Variants in MYH13 observed in about 807,000 individuals in gnomAD.
MYH13 encodes the protein myosin-13.
MYH13 carries 177 observed loss-of-function variants against 232.1 expected under a neutral mutation model. The observed-to-expected ratio is 0.76, with a 90% CI of 0.67 to 0.86. The LOEUF (loss-of-function observed/expected upper bound fraction) is 0.86, where lower values mean the gene tolerates loss of function less well. Ranked by LOEUF, MYH13 falls within the 40% of genes least tolerant of loss-of-function variation. The pLI, the probability that MYH13 is intolerant of heterozygous loss-of-function variation, is 0.00. For synonymous variants in MYH13, 884 were observed against 923.5 expected, an observed-to-expected ratio of 0.96 and a Z score of 0.78; for missense variants, 2,246 against 2,405.9, an observed-to-expected ratio of 0.93 and a Z score of 1.39.
intron 18 of MYH13, among the ~76,000 whole-genome samples, chr17:10,333,967 G>A (rs765745997): frequency 5.3e-5 from 8 of 152,184 alleles, no homozygotes; most frequent in East Asian, 1.9e-4. Flanking sequence ...AAGGTAGGGC[G>A]GCGGTCATCT....
rs754660603 is a variant in MYH13, at chr17:10,301,555, G to A, written c.5802+14C>T. 12 of 1,613,986 alleles carry A rather than the reference G, an allele frequency of 7.4e-6. 1 individual carries two copies. In the South Asian group the frequency reaches 1.3e-4, roughly 18 times the overall value. On this transcript the variant is annotated intron_variant, in intron 40 of 40. Coordinates refer to ENST00000252172, the MANE Select transcript of MYH13 (RefSeq NM_003802.3). Reference sequence around the variant, plus strand: ...TTCTTAGCTGGCCCCTATATCTCAGGTACCTGCTCTTACCTGGCTGCCCAC... The same window carrying A: ...TTCTTAGCTGGCCCCTATATCTCAGATACCTGCTCTTACCTGGCTGCCCAC...
intron 29 of MYH13, among the ~76,000 whole-genome samples, chr17:10,313,890 A>G (rs1449186343): frequency 6.6e-6 from 1 of 152,218 alleles, no homozygotes; most frequent in African/African-American, 2.4e-5. Context: ...CCACTGGGCT[A>G]TGTCCCCACA....
At position 10,344,065 on chromosome 17, in the gene MYH13, G is replaced by A; in HGVS notation, c.1629C>T (p.Pro543=). ...TCTTGAAGGAGGTGTCTGTTGCCTTGGGGAACATGCACTCCTCTTCCAGGA... is the reference window on the plus strand; with the variant it reads ...TCTTGAAGGAGGTGTCTGTTGCCTTAGGGAACATGCACTCCTCTTCCAGGA... The part of the protein sequence containing the change: ...FSILEEECMF[P]KATDTSFKNK... Residue 543 remains proline, a synonymous_variant, in exon 16 of 41, where the codon CCC becomes CCT. Coordinates refer to ENST00000252172, the MANE Select transcript of MYH13 (RefSeq NM_003802.3). The A allele has an allele frequency of 1.2e-6, 2 of 1,614,114 alleles. No individual in the cohort carries two copies. Among genetic ancestry groups the A allele is most frequent in the Non-Finnish European group, 1.7e-6 (2 of 1,180,000 alleles).
intron 16 of MYH13, 66 bp downstream of exon 16, chr17:10,343,734 G>C (rs763202845): frequency 7.2e-5 from 105 of 1,462,834 alleles, no homozygotes; most frequent in Non-Finnish European, 9.4e-5. Context: ...TTCTTCACAA[G>C]CAGCTCTGGG....
At chr17:10,366,385 T>G (rs867998047) in intron 2 of MYH13, among the ~76,000 whole-genome samples, 2 of 145,664 alleles carry the variant, frequency 1.4e-5, no homozygotes, top group Admixed American at 6.8e-5. Context: ...AAATCTGTTT[T>G]TTTTTTTTTT....
At position 10,354,670 on chromosome 17, in the gene MYH13, G is replaced by A; in HGVS notation, c.1005+10C>T. On this transcript the variant is annotated intron_variant, in intron 11 of 40. Coordinates refer to ENST00000252172, the MANE Select transcript of MYH13 (RefSeq NM_003802.3). Reference sequence around the variant, plus strand: ...CTGTGCATAAACAGACAAATAAATGGCATGCTTACATCTGTCGCCAGCAGT... The same window carrying A: ...CTGTGCATAAACAGACAAATAAATGACATGCTTACATCTGTCGCCAGCAGT... 6.2e-7 allele frequency: 1 copy of A among 1,604,500 alleles called. No homozygotes were observed. Among genetic ancestry groups the A allele is most frequent in the Non-Finnish European group, 8.5e-7 (1 of 1,172,018 alleles).
At chr17:10,316,538 G>A (rs547487633) in intron 27 of MYH13, among the ~76,000 whole-genome samples, 9 of 152,308 alleles carry the variant, frequency 5.9e-5, no homozygotes, top group East Asian at 1.9e-4. Context: ...AGGTAGATAA[G>A]TATTTAATGA....
At position 10,352,947 on chromosome 17, in the gene MYH13, A is replaced by C. The variant is rs568738728; in HGVS notation, c.1005+1733T>G. On this transcript the variant is annotated intron_variant, in intron 11 of 40. Coordinates refer to ENST00000252172, the MANE Select transcript of MYH13 (RefSeq NM_003802.3). ...TAGCTGAGTCTCAGCCAGTCACAGC[A>C]GCTGAGCTTCAGCCAATCACAGCAG... 2.6e-5 allele frequency among the ~76,000 whole-genome samples: 4 copies of C among 152,286 alleles called. No individual in the cohort carries two copies. The South Asian group carries it at 8.3e-4, about 32-fold the overall frequency.
intron 12 of MYH13, among the ~76,000 whole-genome samples, chr17:10,347,750 T>G (rs11078843): frequency 0.78 from 106,353 of 136,752 alleles, 41,884 homozygotes; most frequent in East Asian, 0.94. Flanking sequence ...ACAGAGTTTC[T>G]CAATGTTGCC....
At chr17:10,347,267 A>G (rs778430793) in intron 12 of MYH13, among the ~76,000 whole-genome samples, 12 of 152,172 alleles carry the variant, frequency 7.9e-5, no homozygotes, top group Non-Finnish European at 1.6e-4. Flanking sequence ...TGGGAGGCTG[A>G]GGAAGGAGAA....
At position 10,343,845 on chromosome 17, in the gene MYH13, T is replaced by G. The variant is rs1231913964; in HGVS notation, c.1849A>C (p.Lys617Gln). The G allele has an allele frequency of 6.2e-7, 1 of 1,610,444 alleles. No individual in the cohort carries two copies. Among genetic ancestry groups the G allele is most frequent in the Non-Finnish European group, 8.5e-7 (1 of 1,177,842 alleles). Residue 617 changes from lysine to glutamine, a missense_variant, in exon 16 of 41, where the codon AAG becomes CAG. Coordinates refer to ENST00000252172, the MANE Select transcript of MYH13 (RefSeq NM_003802.3). ...VVGLYQKSSLKLLSFLFSNYA... is the reference protein window; with the variant it reads ...VVGLYQKSSLQLLSFLFSNYA... ...TTGGAAAAAAGGAAGGAGAGAAGCT[T>G]CAGCGAAGACTTCTGGTACAGCCCC...
chr17:10,327,832 CTG>C, intron 22 of MYH13, 32 bp downstream of exon 22: 2 of 1,596,778 alleles, frequency 1.3e-6, no homozygotes, highest in East Asian at 4.5e-5. Flanking sequence ...CCTCCAGAGT[CTG>C]TGTTTTGCGT....
chr17:10,322,633 T>G (rs1370720446), intron 23 of MYH13, among the ~76,000 whole-genome samples: 11 of 78,862 alleles, frequency 1.4e-4, no homozygotes, highest in African/African-American at 4.1e-4. Context: ...TACAGTTGTT[T>G]TTTTTTTTTT....
intron 7 of MYH13, among the ~76,000 whole-genome samples, chr17:10,358,054 G>A (rs1270086347): frequency 1.3e-5 from 2 of 151,994 alleles, no homozygotes; most frequent in African/African-American, 4.8e-5. Flanking sequence ...GTGACTTCTG[G>A]TCATGCCAGG....
intron 35 of MYH13, 97 bp downstream of exon 35, chr17:10,309,137 G>T (rs1292058260): frequency 2.3e-5 from 29 of 1,272,554 alleles, no homozygotes; most frequent in Non-Finnish European, 8.5e-6. Flanking sequence ...CCACGGCGTG[G>T]GCCCTGAGTG....
At chr17:10,346,593 T>G in intron 13 of MYH13, 87 bp downstream of exon 13, 1 of 1,046,012 alleles carries the variant, frequency 9.6e-7, no homozygotes, top group Middle Eastern at 2.1e-4. Context: ...CATGTGCATT[T>G]CTGATACCTG....
chr17:10,304,190 A>G lies in MYH13; in HGVS notation c.5467-692T>C, dbSNP rs1906199552. 6.6e-6 allele frequency among the ~76,000 whole-genome samples: 1 copy of G among 152,206 alleles called. No individual in the cohort carries two copies. Among genetic ancestry groups the G allele is most frequent in the African/African-American group, 2.4e-5 (1 of 41,448 alleles). ...TAAATGATGGGTTGATGGGTGCAGCAAACCAACATAGCACGTTTATACCTA... is the reference window on the plus strand; with the variant it reads ...TAAATGATGGGTTGATGGGTGCAGCGAACCAACATAGCACGTTTATACCTA... On this transcript the variant is annotated intron_variant, in intron 37 of 40. Coordinates refer to ENST00000252172, the MANE Select transcript of MYH13 (RefSeq NM_003802.3). The surrounding 1 kb of genome is among the most constrained non-coding windows in gnomAD (Gnocchi z 5.3).
intron 16 of MYH13, among the ~76,000 whole-genome samples, chr17:10,341,734 T>C (rs916446360): frequency 6.6e-6 from 1 of 152,150 alleles, no homozygotes; most frequent in African/African-American, 2.4e-5. Context: ...TATGTTAGAG[T>C]TGATGTTATC....
chr17:10,355,530 A>T (rs1256532197), intron 8 of MYH13, among the ~76,000 whole-genome samples: 3 of 152,238 alleles, frequency 2.0e-5, no homozygotes, highest in African/African-American at 7.2e-5. Context: ...ACTGTCATTG[A>T]TATTGGCCAC....
Sources: allele counts gnomAD v4.1 joint callset (sites outside exome capture counted in the v4.1 genomes callset), GRCh38; gene constraint gnomAD v4.1.1; non-coding constraint Gnocchi (gnomAD v3.1); transcripts MANE v1.5; gene names NCBI Gene and HGNC (gene_info 2026-07-23, HGNC 2026-07-21).